Variants in ZMYM2 observed in about 807,000 individuals in gnomAD.
The protein encoded by ZMYM2 is zinc finger MYM-type containing 2, also known as zinc finger MYM-type protein 2.
Under a neutral mutation model 162.8 loss-of-function variants are expected in ZMYM2, and 56 were observed. The observed-to-expected ratio is 0.34, with a 90% CI of 0.28 to 0.43. ZMYM2 has a LOEUF of 0.43. Among genes scored for constraint, ZMYM2 ranks in the 20% least tolerant of loss-of-function variants. The pLI is 1.00. For missense variants in ZMYM2, 1,275 were observed against 1,621.8 expected (o/e 0.79, Z 3.67); for synonymous variants, 510 against 541.6 (o/e 0.94, Z 0.81).
Position 20,088,762 on chromosome 13 carries a change from T to C in ZMYM2, c.*2748T>C, listed in dbSNP as rs1210652159. 3 of 195,254 alleles carry C rather than the reference T, an allele frequency of 1.5e-5. No homozygotes were observed. Among genetic ancestry groups the C allele is most frequent in the Non-Finnish European group, 3.2e-5 (3 of 93,850 alleles). 12.1% of individuals were successfully genotyped at this position (195,254 alleles called of 1,614,324 possible). A position where few individuals can be genotyped will look rare whatever the true frequency, so the allele number is the denominator to read the frequency against. The stretch of plus-strand genomic sequence containing the variant: ...TACTATGCATTCAAATTTATCACTG[T>C]TTTTTCTGACAGACTTTCCCTTTGT... On this transcript the variant is annotated 3_prime_UTR_variant, in exon 25 of 25. Coordinates refer to ENST00000610343, the MANE Select transcript of ZMYM2 (RefSeq NM_197968.4).
intron 11 of ZMYM2, 27 bp from the exon 12 acceptor site, chr13:20,036,710 T>A: frequency 1.4e-6 from 2 of 1,455,958 alleles, no homozygotes; most frequent in Non-Finnish European, 1.8e-6. Flanking sequence ...TTTTTTTGTT[T>A]TAATATATAA....
chr13:20,013,739 ATTTC>A (rs369389643), intron 6 of ZMYM2, among the ~76,000 whole-genome samples: 11 of 151,952 alleles, frequency 7.2e-5, no homozygotes, highest in African/African-American at 1.5e-4. Context: ...ACATGGATTG[ATTTC>A]TTTATGTTGA....
chr13:19,881,131 CCCT>C, the ZMYM2 span, among the ~76,000 whole-genome samples: 80 of 152,082 alleles, frequency 5.3e-4, 1 homozygote, highest in African/African-American at 1.6e-3. Flanking sequence ...TCGTGATCTG[CCCT>C]CCTCAGCCTC....
In ZMYM2 at chr13:20,027,187, A is replaced by G; in HGVS notation, c.1736-16A>G. 1 of 1,537,264 alleles carries G rather than the reference A, an allele frequency of 6.5e-7. No individual in the cohort carries two copies. ...TACTTTATAAACAAATCAGATATGT[A>G]CCTTTTCTTTCCTAGGTTTGGGAAT... On this transcript the variant is annotated splice_polypyrimidine_tract_variant and intron_variant, in intron 8 of 24. Transcript: ENST00000610343.
At chr13:20,023,285 G>A (rs1399870758) in intron 7 of ZMYM2, among the ~76,000 whole-genome samples, 4 of 152,130 alleles carry the variant, frequency 2.6e-5, no homozygotes, top group Admixed American at 6.5e-5. Flanking sequence ...TAGATAATAT[G>A]CAGCCTATAT....
intron 21 of ZMYM2, chr13:20,070,744 C>T (rs139264093): frequency 0.019 from 2,890 of 152,388 alleles, 44 homozygotes; most frequent in Non-Finnish European, 0.03. Flanking sequence ...CTCCCGACCT[C>T]GTGATCCACC....
intron 2 of ZMYM2, among the ~76,000 whole-genome samples, chr13:19,981,591 A>G (rs1957331666): frequency 6.6e-6 from 1 of 152,094 alleles, no homozygotes; most frequent in Non-Finnish European, 1.5e-5. Flanking sequence ...CATCTATTGG[A>G]TTTTAAGTTT....
chr13:19,866,215 G>C, the ZMYM2 span, among the ~76,000 whole-genome samples: 1 of 149,570 alleles, frequency 6.7e-6, no homozygotes, highest in African/African-American at 2.4e-5. Flanking sequence ...CAGCAAGACT[G>C]TATCTCAAAA....
At chr13:20,003,204 A>C in intron 4 of ZMYM2, 69 bp downstream of exon 4, 2 of 1,499,020 alleles carry the variant, frequency 1.3e-6, no homozygotes, top group Non-Finnish European at 1.8e-6. Flanking sequence ...AAGAAAAGTG[A>C]AACAGATTTG....
chr13:20,003,168 G>T (rs1950511565), intron 4 of ZMYM2, 33 bp downstream of exon 4: 2 of 1,575,528 alleles, frequency 1.3e-6, no homozygotes, highest in Non-Finnish European at 1.7e-6. Context: ...ATTACATATA[G>T]TTGAATTTTG....
the ZMYM2 span, among the ~76,000 whole-genome samples, chr13:19,930,983 C>CA: frequency 3.3e-5 from 5 of 150,106 alleles, no homozygotes; most frequent in East Asian, 4.1e-4. Context: ...ACTAAAAATA[C>CA]AAAAAATTAG....
the ZMYM2 span, among the ~76,000 whole-genome samples, chr13:19,881,687 G>GA: frequency 2.0e-4 from 30 of 151,638 alleles, no homozygotes; most frequent in African/African-American, 7.2e-4. Context: ...TATCCAAGTA[G>GA]AAAAAAATGA....
the ZMYM2 span, among the ~76,000 whole-genome samples, chr13:19,947,853 C>T: frequency 6.6e-6 from 1 of 151,958 alleles, no homozygotes; most frequent in Non-Finnish European, 1.5e-5. Context: ...TGAAGATGAC[C>T]GCTCTATTCT....
the ZMYM2 span, among the ~76,000 whole-genome samples, chr13:19,875,938 A>G: frequency 6.6e-6 from 1 of 152,182 alleles, no homozygotes; most frequent in African/African-American, 2.4e-5. Context: ...CACACAAAAT[A>G]TCCTAAATGA....
At chr13:20,075,033 G>A (rs1450549006) in intron 21 of ZMYM2, among the ~76,000 whole-genome samples, 1 of 152,174 alleles carries the variant, frequency 6.6e-6, no homozygotes, top group African/African-American at 2.4e-5. Flanking sequence ...TTCAAAGACT[G>A]TGGTATTTAT....
chr13:19,996,941 T>C (rs966906353), intron 3 of ZMYM2, among the ~76,000 whole-genome samples: 2 of 152,114 alleles, frequency 1.3e-5, no homozygotes, highest in South Asian at 2.1e-4. Context: ...TGTTGAGATA[T>C]GAGGATCCCT....
intron 2 of ZMYM2, among the ~76,000 whole-genome samples, chr13:19,982,281 C>CTTT (rs56165263): frequency 0.068 from 5,842 of 85,686 alleles, 669 homozygotes; most frequent in African/African-American, 0.1. Flanking sequence ...TATTAGCTGT[C>CTTT]TTTTTTTTTT....
At chr13:19,970,551 G>C (rs939955813) in intron 2 of ZMYM2, among the ~76,000 whole-genome samples, 2 of 134,872 alleles carry the variant, frequency 1.5e-5, no homozygotes, top group African/African-American at 5.5e-5. Flanking sequence ...CAAGAAGAGA[G>C]AGAGCCAGAA....
the ZMYM2 span, among the ~76,000 whole-genome samples, chr13:19,925,925 C>T: frequency 6.7e-6 from 1 of 150,250 alleles, no homozygotes; most frequent in Admixed American, 6.7e-5. Flanking sequence ...GGATTTTATT[C>T]TCATCTATTT....
Sources: gnomAD v4.1 joint callset for allele counts (sites outside exome capture counted in the v4.1 genomes callset) on GRCh38, gnomAD v4.1.1 for gene constraint, MANE v1.5 for transcripts, NCBI Gene and HGNC (gene_info 2026-07-23, HGNC 2026-07-21) for gene names.